Variants in STXBP2 observed in about 807,000 individuals in gnomAD.
STXBP2 encodes syntaxin-binding protein 2.
A neutral mutation model predicts 72.2 loss-of-function variants in STXBP2; 47 were observed. The ratio of observed to expected loss-of-function variants is 0.65; its 90% CI spans 0.51 to 0.83. The LOEUF (loss-of-function observed/expected upper bound fraction) is 0.83, where lower values mean the gene tolerates loss of function less well. STXBP2 is among the 40% of genes least tolerant of loss of function. The probability of loss-of-function intolerance (pLI) is 0.00; values close to 1 mark genes in which losing one functional copy is unlikely to be tolerated. For missense variants in STXBP2, 702 were observed against 807.6 expected (o/e 0.87, Z 1.58); for synonymous variants, 367 against 338.7 (o/e 1.08, Z -0.92).
upstream of STXBP2, chr19:7,633,502 C>T: frequency 6.4e-7 from 1 of 1,550,648 alleles, no homozygotes; most frequent in African/African-American, 1.4e-5. Flanking sequence ...TGCCCCGGCC[C>T]AGTGCCAGAG....
Position 7,642,398 on chromosome 19 carries a change from C to A in STXBP2, c.795-31C>A. ...CCTGGTTCCCCAGTCCTCAGCTCCCCTGACCCCCAGGCTCCCTCCTTCCTC... is the reference window on the plus strand; with the variant it reads ...CCTGGTTCCCCAGTCCTCAGCTCCCATGACCCCCAGGCTCCCTCCTTCCTC... On this transcript the variant is annotated intron_variant, in intron 9 of 18. Coordinates refer to ENST00000221283, the MANE Select transcript of STXBP2 (RefSeq NM_006949.4). This position sits in a 1 kb window ranked among gnomAD's most constrained non-coding sequence, Gnocchi z 6.0. 1.2e-6 allele frequency: 2 copies of A among 1,613,774 alleles called. No homozygotes were observed. The highest frequency in any genetic ancestry group is 8.5e-7 in the Non-Finnish European group (1 of 1,179,742).
rs535808030 is a variant in STXBP2 at position 7,640,780 on chromosome 19, A to G, written c.296A>G (p.Tyr99Cys). ...KDFQGTPTFT[Y>C]KAAHIFFTDT... ...TTCCAGGGGACCCCGACTTTCACCTACAAAGCGGCCCATATCTTCTTCACC... is the reference window on the plus strand; with the variant it reads ...TTCCAGGGGACCCCGACTTTCACCTGCAAAGCGGCCCATATCTTCTTCACC... The change falls in exon 5 of 19, where the codon TAC becomes TGC. Residue 99 changes from tyrosine to cysteine, a missense_variant. Physicochemically the swap from Tyr to Cys is radical, Grantham distance 194. Transcript: ENST00000221283. The G allele has an allele frequency of 3.3e-5, 54 of 1,614,164 alleles. 1 individual carries two copies. In the South Asian group the frequency reaches 5.8e-4, roughly 17 times the overall value.
In STXBP2 at chr19:7,639,256, C is replaced by T. The variant is rs2031692632; in HGVS notation, c.169+156C>T. ...TGCACGGACAGCCCGGATCATGTGA[C>T]CAAATCCATTCTTAAACCTTGCAAG... On this transcript the variant is annotated intron_variant, in intron 3 of 18. Transcript: ENST00000221283. 9 of 824,958 alleles carry T rather than the reference C, an allele frequency of 1.1e-5. No homozygotes were observed. The South Asian group carries it at 1.3e-4, about 12-fold the overall frequency. 51.1% of individuals were successfully genotyped at this position (824,958 alleles called of 1,614,324 possible). A position where few individuals can be genotyped will look rare whatever the true frequency, so the allele number is the denominator to read the frequency against.
At chr19:7,633,600 C>A, upstream of STXBP2, 1 of 737,958 alleles carries the variant, frequency 1.4e-6, no homozygotes, top group South Asian at 1.8e-5. Flanking sequence ...CCCACCCAAG[C>A]TTAAGCCCCA....
At chr19:7,645,464 GC>G (rs1416575782) in intron 15 of STXBP2, 158 bp downstream of exon 15, 2 of 666,238 alleles carry the variant, frequency 3.0e-6, no homozygotes, top group East Asian at 2.8e-5. Flanking sequence ...CTGGTCTGGG[GC>G]CCAGAGGACA....
chr19:7,630,645 G>A, the STXBP2 span: 1 of 1,537,212 alleles, frequency 6.5e-7, no homozygotes, highest in Non-Finnish European at 8.7e-7. Context: ...TGAGGACGAT[G>A]TCATACAGCG....
chr19:7,639,175 G>C, intron 3 of STXBP2, 75 bp downstream of exon 3: 2 of 1,484,794 alleles, frequency 1.3e-6, no homozygotes, highest in Admixed American at 1.8e-5. Flanking sequence ...CCAGGGTTCA[G>C]CCCTTGAGTG....
At chr19:7,645,130 C>T in intron 14 of STXBP2, 67 bp from the exon 15 acceptor site, 1 of 1,521,964 alleles carries the variant, frequency 6.6e-7, no homozygotes, top group Non-Finnish European at 8.9e-7. Flanking sequence ...TCAGCCCACC[C>T]CAAACTCCCC....
At chr19:7,630,184 CTA>C in the STXBP2 span, 2 of 464,624 alleles carry the variant, frequency 4.3e-6, no homozygotes. Flanking sequence ...GGGTGGGTGT[CTA>C]TGACAGGGAG....
the STXBP2 span, chr19:7,630,502 C>T: frequency 8.0e-7 from 1 of 1,252,870 alleles, no homozygotes; most frequent in Non-Finnish European, 1.1e-6. Flanking sequence ...TAGGATGGGT[C>T]CCCCAGGCTC....
chr19:7,647,582 G>T, intron 18 of STXBP2, 71 bp downstream of exon 18: 1 of 1,583,992 alleles, frequency 6.3e-7, no homozygotes, highest in Non-Finnish European at 8.6e-7. Flanking sequence ...TACCTTCTAG[G>T]TGTCTGGACT....
At chr19:7,640,217 TG>T (rs2031772074) in intron 4 of STXBP2, 1 of 545,190 alleles carries the variant, frequency 1.8e-6, no homozygotes, top group Non-Finnish European at 3.5e-6. Context: ...TGTATGTGTC[TG>T]CGTCTGTGTG....
At chr19:7,637,207 G>C in intron 1 of STXBP2, 21 bp downstream of exon 1, 2 of 1,241,994 alleles carry the variant, frequency 1.6e-6, no homozygotes, top group South Asian at 8.1e-5. Flanking sequence ...CTCCGGGGCC[G>C]GGCTCTGGCG....
At chr19:7,631,409 T>TTGGGGGGGGGGGGGGGGGG in the STXBP2 span, 1 of 638,366 alleles carries the variant, frequency 1.6e-6, no homozygotes, top group Non-Finnish European at 2.2e-6. Flanking sequence ...CGGGGGGGGG[T>TTGGGGGGGGGGGGGGGGGG]GGTCCCGGCT....
chr19:7,639,451 T>A (rs1451376117), intron 3 of STXBP2: 1 of 573,310 alleles, frequency 1.7e-6, no homozygotes, highest in Non-Finnish European at 3.1e-6. Flanking sequence ...CCAGGTGGTG[T>A]CCCAGTCACT....
chr19:7,630,299 G>A, the STXBP2 span: 5 of 527,888 alleles, frequency 9.5e-6, no homozygotes, highest in African/African-American at 1.9e-5. Flanking sequence ...TCGAGGAGAT[G>A]CTTTTGATTG....
intron 16 of STXBP2, 86 bp from the exon 17 acceptor site, chr19:7,647,076 T>C: frequency 7.1e-7 from 1 of 1,415,676 alleles, no homozygotes; most frequent in Non-Finnish European, 9.8e-7. Flanking sequence ...GCCAGGATCT[T>C]GGCCCCTGAA....
At chr19:7,647,085 A>G in intron 16 of STXBP2, 77 bp from the exon 17 acceptor site, 16 of 1,504,826 alleles carry the variant, frequency 1.1e-5, no homozygotes, top group Non-Finnish European at 1.5e-5. Context: ...TTGGCCCCTG[A>G]ATACCCCGTG....
intron 1 of STXBP2, among the ~76,000 whole-genome samples, chr19:7,638,509 A>G (rs1390227716): frequency 2.0e-5 from 3 of 152,016 alleles, no homozygotes; most frequent in African/African-American, 7.2e-5. Context: ...GGCTGAGGCA[A>G]GAGGATCGCT....
Sources: allele counts gnomAD v4.1 joint callset (sites outside exome capture counted in the v4.1 genomes callset), GRCh38; gene constraint gnomAD v4.1.1; non-coding constraint Gnocchi (gnomAD v3.1); transcripts MANE v1.5; gene names NCBI Gene and HGNC (gene_info 2026-07-23, HGNC 2026-07-21).